Variants in RANBP2 observed in about 807,000 individuals in gnomAD.
RANBP2 encodes the protein RAN binding protein 2.
A neutral mutation model predicts 303.6 loss-of-function variants in RANBP2; 57 were observed. The ratio of observed to expected loss-of-function variants is 0.19; its 90% CI spans 0.15 to 0.23. RANBP2 has a LOEUF of 0.23. RANBP2 is among the 10% of genes least tolerant of loss of function. The pLI is 1.00. For synonymous variants in RANBP2, 1,167 were observed against 1,301.5 expected (o/e 0.90, Z 2.23); for missense variants, 3,138 against 3,780.8 (o/e 0.83, Z 4.46).
the RANBP2 span, among the ~76,000 whole-genome samples, chr2:109,165,121 C>A: frequency 2.6e-5 from 4 of 152,196 alleles, no homozygotes; most frequent in Non-Finnish European, 4.4e-5. Context: ...GGCTTCCCCC[C>A]TCCTTTAGTA....
At chr2:109,275,721 T>G in the RANBP2 span, among the ~76,000 whole-genome samples, 3 of 152,204 alleles carry the variant, frequency 2.0e-5, no homozygotes, top group South Asian at 6.2e-4. Flanking sequence ...TCTCGCTGTT[T>G]GCCGGGTACC....
chr2:109,282,527 A>T, the RANBP2 span, among the ~76,000 whole-genome samples: 1 of 151,902 alleles, frequency 6.6e-6, no homozygotes, highest in Non-Finnish European at 1.5e-5. Flanking sequence ...AGGACAGGGG[A>T]GGGGTGGTAC....
the RANBP2 span, among the ~76,000 whole-genome samples, chr2:109,566,661 G>A: frequency 1.3e-5 from 2 of 152,162 alleles, no homozygotes; most frequent in East Asian, 3.9e-4. Flanking sequence ...AAATTGAGAG[G>A]AGTGAGAGAT....
At chr2:108,913,484 C>CTAAA in the RANBP2 span, among the ~76,000 whole-genome samples, 5 of 152,060 alleles carry the variant, frequency 3.3e-5, no homozygotes, top group African/African-American at 1.2e-4. Flanking sequence ...ATACTTTTTC[C>CTAAA]AGTCATAAAA....
chr2:109,513,064 G>A, the RANBP2 span, among the ~76,000 whole-genome samples: 4 of 152,188 alleles, frequency 2.6e-5, no homozygotes, highest in South Asian at 2.1e-4. Flanking sequence ...GCCAGCGGAC[G>A]GATGTGCTGC....
the RANBP2 span, among the ~76,000 whole-genome samples, chr2:109,174,925 A>G: frequency 6.6e-6 from 1 of 152,240 alleles, no homozygotes; most frequent in East Asian, 1.9e-4. Flanking sequence ...ATGTCATCTA[A>G]TGGGGAGAGT....
the RANBP2 span, among the ~76,000 whole-genome samples, chr2:108,926,619 G>A: frequency 1.1e-4 from 17 of 152,338 alleles, no homozygotes; most frequent in Middle Eastern, 3.4e-3. Context: ...AGGTGAGGAA[G>A]CGTAACCTCT....
chr2:109,625,818 C>T, the RANBP2 span, among the ~76,000 whole-genome samples: 2 of 152,048 alleles, frequency 1.3e-5, no homozygotes, highest in African/African-American at 4.8e-5. Context: ...AAAAACAAAA[C>T]AATAATATTC....
the RANBP2 span, among the ~76,000 whole-genome samples, chr2:109,062,190 A>T: frequency 3.3e-5 from 5 of 152,216 alleles, no homozygotes; most frequent in South Asian, 1.0e-3. Context: ...ATATTTTCAG[A>T]TCTTGTTCTC....
chr2:108,808,069 C>T, the RANBP2 span, among the ~76,000 whole-genome samples: 1 of 152,136 alleles, frequency 6.6e-6, no homozygotes, highest in African/African-American at 2.4e-5. Context: ...TGGTATTTAT[C>T]ATTCTGTACT....
chr2:108,764,119 T>G lies in RANBP2; in HGVS notation c.3580T>G (p.Phe1194Val). Reference sequence around the variant, plus strand: ...AACTGGTGAGGAAGATGAAGAAGAATTCTTTTGCAACCGCGCGAAATTGTT... The same window carrying G: ...AACTGGTGAGGAAGATGAAGAAGAAGTCTTTTGCAACCGCGCGAAATTGTT... The part of the protein sequence containing the change: ...VKTGEEDEEE[F>V]FCNRAKLFRF... The change falls in exon 20 of 29, where the codon TTC (phenylalanine) becomes GTC (valine). Residue 1194 changes from phenylalanine to valine, a missense_variant. By Grantham distance (50) the Phe-to-Val change is conservative (BLOSUM62 -1). Around this residue, in one of 20 missense-constraint regions of RANBP2, gnomAD observed 403 missense variants for 376.7 expected, o/e 1.07. Coordinates refer to ENST00000283195, the MANE Select transcript of RANBP2 (RefSeq NM_006267.5). 1 of 1,614,064 alleles carries G rather than the reference T, an allele frequency of 6.2e-7. No individual in the cohort carries two copies. The highest frequency in any genetic ancestry group is 1.1e-5 in the South Asian group (1 of 91,080).
the RANBP2 span, among the ~76,000 whole-genome samples, chr2:109,376,343 G>A: frequency 6.6e-6 from 1 of 152,228 alleles, no homozygotes; most frequent in Non-Finnish European, 1.5e-5. Flanking sequence ...CTGTCTTTAA[G>A]GAGCATTGTC....
the RANBP2 span, among the ~76,000 whole-genome samples, chr2:109,136,166 C>T: frequency 1.8e-4 from 28 of 152,130 alleles, no homozygotes; most frequent in African/African-American, 6.3e-4. Flanking sequence ...TGTGCATTTC[C>T]GTTTGATCTG....
chr2:109,663,608 C>T, the RANBP2 span, among the ~76,000 whole-genome samples: 3 of 152,120 alleles, frequency 2.0e-5, no homozygotes, highest in Admixed American at 1.3e-4. Flanking sequence ...ATACAGAGCT[C>T]ATGGCAATGC....
the RANBP2 span, among the ~76,000 whole-genome samples, chr2:109,725,234 G>T: frequency 6.6e-6 from 1 of 152,174 alleles, no homozygotes; most frequent in South Asian, 2.1e-4. Context: ...TCACTTGCAG[G>T]AGGAGGTCCT....
chr2:109,278,480 T>C, the RANBP2 span, among the ~76,000 whole-genome samples: 1 of 152,168 alleles, frequency 6.6e-6, no homozygotes, highest in African/African-American at 2.4e-5. Flanking sequence ...CAAAGACTCA[T>C]GGTTGATGAT....
chr2:109,509,203 C>T, the RANBP2 span, among the ~76,000 whole-genome samples: 1 of 152,200 alleles, frequency 6.6e-6, no homozygotes, highest in South Asian at 2.1e-4. Context: ...GGCAAGAGGA[C>T]CCACCTCATG....
the RANBP2 span, among the ~76,000 whole-genome samples, chr2:109,460,257 A>G: frequency 2.6e-5 from 4 of 152,106 alleles, no homozygotes; most frequent in Non-Finnish European, 4.4e-5. Flanking sequence ...ATCCATATCT[A>G]GAGTGAATAG....
At chr2:109,522,962 C>T in the RANBP2 span, among the ~76,000 whole-genome samples, 1 of 152,104 alleles carries the variant, frequency 6.6e-6, no homozygotes, top group Admixed American at 6.5e-5. Context: ...TGTAGATGGC[C>T]CCATTTAGAG....
Sources: allele counts gnomAD v4.1 joint callset (sites outside exome capture counted in the v4.1 genomes callset), GRCh38; gene constraint gnomAD v4.1.1; regional missense constraint gnomAD v4.1.1; transcripts MANE v1.5; gene names NCBI Gene and HGNC (gene_info 2026-07-23, HGNC 2026-07-21).